The following ADD2 variants were observed in gnomAD, a reference collection of about 807,000 sequenced individuals.
The protein encoded by ADD2 is adducin 2.
Under a neutral mutation model 83.0 loss-of-function variants are expected in ADD2, and 23 were observed. That is an observed-to-expected ratio of 0.28 (90% CI 0.20 to 0.39). The LOEUF (loss-of-function observed/expected upper bound fraction) is 0.39. ADD2 is among the 10% of genes least tolerant of loss of function. The probability of loss-of-function intolerance (pLI) is 1.00; values close to 1 mark genes in which losing one functional copy is unlikely to be tolerated. For synonymous variants in ADD2, 375 were observed against 375.4 expected, an observed-to-expected ratio of 1.00 and a Z score of 0.01; for missense variants, 758 against 944.9, an observed-to-expected ratio of 0.80 and a Z score of 2.59.
rs1553371870 is a variant in ADD2, at chr2:70,692,510, T to G, written c.598A>C (p.Ser200Arg). ...CCTGTGGTGTCCACTGGGAAGCAGC[T>G]GCTGCCCTTCTCCACCACCTCTCCC... ...ILGEVVEKGS[S>R]CFPVDTTGFC... The change falls in exon 7 of 16, where the codon AGC (serine) becomes CGC (arginine). Residue 200 changes from serine to arginine, a missense_variant. Ser to Arg is a moderately radical substitution (Grantham distance 110). This residue lies in a region of ADD2 where 394 missense variants were observed against 509.3 expected (regional missense o/e 0.77). Transcript: ENST00000264436. 3.7e-6 allele frequency: 6 copies of G among 1,612,592 alleles called. No individual in the cohort carries two copies. Among genetic ancestry groups the G allele is most frequent in the Non-Finnish European group, 5.1e-6 (6 of 1,179,518 alleles).
intron 1 of ADD2, among the ~76,000 whole-genome samples, chr2:70,715,374 G>A (rs1325888199): frequency 6.6e-6 from 1 of 152,208 alleles, no homozygotes; most frequent in South Asian, 2.1e-4. Context: ...CAGCTTCCTA[G>A]CACATGCGTT....
At chr2:70,740,467 C>T (rs2104497316) in intron 1 of ADD2, among the ~76,000 whole-genome samples, 1 of 152,222 alleles carries the variant, frequency 6.6e-6, no homozygotes, top group Non-Finnish European at 1.5e-5. Context: ...ATTTGGGTGG[C>T]AAAAATTACA....
intron 1 of ADD2, among the ~76,000 whole-genome samples, chr2:70,729,684 AAC>A (rs1673183672): frequency 6.6e-6 from 1 of 152,230 alleles, no homozygotes; most frequent in African/African-American, 2.4e-5. Flanking sequence ...CATTGGGATC[AAC>A]AGTTTTGAAA....
At chr2:70,690,689 C>A in intron 8 of ADD2, 97 bp downstream of exon 8, 1 of 1,391,390 alleles carries the variant, frequency 7.2e-7, no homozygotes, top group South Asian at 1.5e-5. Flanking sequence ...TCCCCCCTCT[C>A]TCCCTCCCTT....
rs543967516 is a variant in ADD2, at chr2:70,752,192, TTGAG to T, written c.-154+15690_-154+15693del. Among the ~76,000 whole-genome samples the T allele has an allele frequency of 1.1e-3, 167 of 152,286 alleles. 1 individual carries two copies. Among genetic ancestry groups the T allele is most frequent in the Non-Finnish European group, 1.5e-3 (99 of 68,020 alleles). On this transcript the variant is annotated intron_variant, in intron 1 of 15. Coordinates refer to ENST00000264436, the MANE Select transcript of ADD2 (RefSeq NM_001617.4). ...TTCTCTAAGCATATCAATGGCATTA[TTGAG>T]TATTATATTCATAACAAGGGAGAAA...
At chr2:70,758,024 C>T (rs1411396861) in intron 1 of ADD2, among the ~76,000 whole-genome samples, 2 of 152,160 alleles carry the variant, frequency 1.3e-5, no homozygotes, top group African/African-American at 4.8e-5. Flanking sequence ...ACCGAAGGAA[C>T]GTAAAAATAG....
At chr2:70,758,494 G>A (rs371906933) in intron 1 of ADD2, among the ~76,000 whole-genome samples, 1 of 152,142 alleles carries the variant, frequency 6.6e-6, no homozygotes, top group Non-Finnish European at 1.5e-5. Context: ...CTACCTAGAG[G>A]GTAGAGCGTA....
At chr2:70,713,892 T>G (rs781884437) in intron 1 of ADD2, among the ~76,000 whole-genome samples, 1 of 152,026 alleles carries the variant, frequency 6.6e-6, no homozygotes, top group Non-Finnish European at 1.5e-5. Context: ...GATGTTTGGA[T>G]GCAGCCCAAG....
In ADD2 at chr2:70,700,107, T is replaced by C. The variant is rs560904255; in HGVS notation, c.323-3711A>G. Among the ~76,000 whole-genome samples, 32 of 152,238 alleles carry C rather than the reference T, an allele frequency of 2.1e-4. No individual in the cohort carries two copies. In the South Asian group the frequency reaches 2.5e-3, roughly 12 times the overall value. On this transcript the variant is annotated intron_variant, in intron 4 of 15. Coordinates refer to ENST00000264436, the MANE Select transcript of ADD2 (RefSeq NM_001617.4). ...GAAATCAAATGTAATGGGAGAAAAT[T>C]GTTTACAAAATCAAATTAAGACAAA...
At chr2:70,711,066 G>C (rs894786335) in intron 2 of ADD2, 9 of 152,106 alleles carry the variant, frequency 5.9e-5, no homozygotes, top group Non-Finnish European at 1.2e-4. Flanking sequence ...AAAAGACTGA[G>C]AATGCCCAGT....
intron 10 of ADD2, among the ~76,000 whole-genome samples, chr2:70,682,436 C>T (rs1670507379): frequency 6.6e-6 from 1 of 152,104 alleles, no homozygotes; most frequent in African/African-American, 2.4e-5. Context: ...ATAAAGCGGC[C>T]CTCATGGTCA....
chr2:70,695,636 A>G (rs1014407788), intron 6 of ADD2, 85 bp downstream of exon 6: 4 of 1,318,020 alleles, frequency 3.0e-6, no homozygotes, highest in African/African-American at 2.9e-5. Context: ...ACAGTGACCA[A>G]TTTGGAGATG....
intron 1 of ADD2, among the ~76,000 whole-genome samples, chr2:70,755,889 T>C (rs1173476310): frequency 6.6e-6 from 1 of 151,498 alleles, no homozygotes; most frequent in Non-Finnish European, 1.5e-5. Context: ...TGAAACCCTG[T>C]CTCTACTAAA....
chr2:70,731,997 C>T (rs1212710294), intron 1 of ADD2, among the ~76,000 whole-genome samples: 1 of 152,182 alleles, frequency 6.6e-6, no homozygotes, highest in Admixed American at 6.5e-5. Flanking sequence ...TGAAGCACCA[C>T]AAGCAAAATG....
Position 70,663,440 on chromosome 2 carries a change from C to G in ADD2, c.2166G>C (p.Glu722Asp), listed in dbSNP as rs373311179. The G allele has an allele frequency of 6.8e-6, 11 of 1,613,272 alleles. No individual in the cohort carries two copies. The African/African-American group carries it at 1.5e-4, about 22-fold the overall frequency. ...GTGTCATGAATCAGGACTCCACTTT[C>G]TCCTTCTTTTTGCTCTTTTTCAGGA... is the stretch of plus-strand genomic sequence containing the variant. ...PSFLKKSKKKEKVES is the reference protein window; with the variant it reads ...PSFLKKSKKKDKVES Residue 722 changes from glutamate to aspartate, a missense_variant, in exon 16 of 16, where the codon GAG (glutamate) becomes GAC (aspartate). By Grantham distance (45) the Glu-to-Asp change is conservative. This residue lies in a region of ADD2 where 165 missense variants were observed against 176.2 expected (regional missense o/e 0.94). Transcript: ENST00000264436.
intron 11 of ADD2, 138 bp downstream of exon 11, chr2:70,678,566 A>G (rs529300177): frequency 1.5e-5 from 19 of 1,248,756 alleles, no homozygotes; most frequent in Non-Finnish European, 1.4e-5. Context: ...CTGCTCCCAG[A>G]GGCCTAATAG....
In ADD2 at chr2:70,706,533, T is replaced by G; in HGVS notation, c.-34-91A>C. Reference sequence around the variant, plus strand: ...AGCACAGGGCTAGGTTCAGTTGGATTCTCAGTGGGGTACGGCTGTTCCTAG... The same window carrying G: ...AGCACAGGGCTAGGTTCAGTTGGATGCTCAGTGGGGTACGGCTGTTCCTAG... On this transcript the variant is annotated intron_variant, in intron 2 of 15. Coordinates refer to ENST00000264436, the MANE Select transcript of ADD2 (RefSeq NM_001617.4). The surrounding 1 kb of genome is among the most constrained non-coding windows in gnomAD (Gnocchi z 5.0). 1 of 1,182,426 alleles carries G rather than the reference T, an allele frequency of 8.5e-7. No individual in the cohort carries two copies. Among genetic ancestry groups the G allele is most frequent in the Non-Finnish European group, 1.2e-6 (1 of 857,552 alleles). The allele number at this position is 1,182,426 out of a possible 1,614,324, so 73.2% of individuals were successfully genotyped here.
chr2:70,701,525 G>A (rs1227083852), intron 4 of ADD2, among the ~76,000 whole-genome samples: 3 of 151,978 alleles, frequency 2.0e-5, no homozygotes, highest in Admixed American at 2.0e-4. Context: ...TGAGAAAACT[G>A]GAAAAATAAA....
Position 70,676,808 on chromosome 2 carries a change from C to T in ADD2, c.1581G>A (p.Lys527=). 2 of 1,614,228 alleles carry T rather than the reference C, an allele frequency of 1.2e-6. No individual in the cohort carries two copies. The highest frequency in any genetic ancestry group is 1.7e-6 in the Non-Finnish European group (2 of 1,180,026). ...GCCTCTGCTCTACCGGGCTTCGGCT[C>T]TTCTCGGCAATGACGCTCGCCAGGA... ...SQLLASVIAE[K]SRSPSTESQL... The change falls in exon 13 of 16, where the codon AAG becomes AAA. Residue 527 remains lysine (K), a synonymous_variant. Coordinates refer to ENST00000264436, the MANE Select transcript of ADD2 (RefSeq NM_001617.4). This position sits in a 1 kb window ranked among gnomAD's most constrained non-coding sequence, Gnocchi z 4.8.
Sources: gnomAD v4.1 joint callset for allele counts (sites outside exome capture counted in the v4.1 genomes callset) on GRCh38, gnomAD v4.1.1 for gene constraint, gnomAD v4.1.1 regional missense constraint, Gnocchi (gnomAD v3.1) non-coding constraint, MANE v1.5 for transcripts, NCBI Gene and HGNC (gene_info 2026-07-23, HGNC 2026-07-21) for gene names.